WWOX: variants seen among roughly 807,000 people sequenced by gnomAD.
The protein encoded by WWOX is WW domain-containing oxidoreductase.
WWOX carries 69 observed loss-of-function variants against 46.2 expected under a neutral mutation model. The ratio of observed to expected loss-of-function variants is 1.49; its 90% CI spans 1.23 to 1.82. WWOX has a LOEUF of 1.82. Ranked by LOEUF, WWOX falls within the 40% of genes most tolerant of loss-of-function variation. The pLI is 0.00. For synonymous variants in WWOX, 359 were observed against 202.6 expected (o/e 1.77, Z -6.56); for missense variants, 919 against 542.6 (o/e 1.69, Z -6.89).
chr16:78,285,133 C>A (rs185543705), intron 5 of WWOX, among the ~76,000 whole-genome samples: 1 of 152,238 alleles, frequency 6.6e-6, no homozygotes, highest in Admixed American at 6.5e-5. Flanking sequence ...CTGTCACTCC[C>A]TCAGAAGGGA....
rs758799029 is a variant in WWOX at position 78,432,599 on chromosome 16, C to T, written c.903C>T (p.Ile301=). The part of the protein sequence containing the change: ...LAYNRSKLCN[I]LFSNELHRRL... ...ATAACAGGTCCAAGCTCTGCAACATCCTCTTCTCCAACGAGCTGCACCGTC... is the reference window on the plus strand; with the variant it reads ...ATAACAGGTCCAAGCTCTGCAACATTCTCTTCTCCAACGAGCTGCACCGTC... The change falls in exon 8 of 9, where the codon ATC becomes ATT. Residue 301 remains isoleucine (I), a synonymous_variant. Transcript: ENST00000566780. 12 of 1,614,112 alleles carry T rather than the reference C, an allele frequency of 7.4e-6. No individual in the cohort carries two copies. Among genetic ancestry groups the T allele is most frequent in the Admixed American group, 3.3e-5 (2 of 60,012 alleles).
chr16:79,074,929 A>G (rs2048626363), intron 8 of WWOX, among the ~76,000 whole-genome samples: 1 of 152,154 alleles, frequency 6.6e-6, no homozygotes, highest in Non-Finnish European at 1.5e-5. Context: ...AGTATATACA[A>G]CAGATGTGAG....
At chr16:79,179,232 A>G (rs1210330886) in intron 8 of WWOX, among the ~76,000 whole-genome samples, 1 of 152,246 alleles carries the variant, frequency 6.6e-6, no homozygotes, top group Non-Finnish European at 1.5e-5. Flanking sequence ...TCTAAATGCC[A>G]GGTAAGCAAT....
At chr16:78,640,470 T>C (rs955222166) in intron 8 of WWOX, among the ~76,000 whole-genome samples, 1 of 152,044 alleles carries the variant, frequency 6.6e-6, no homozygotes, top group African/African-American at 2.4e-5. Flanking sequence ...CTCCTGCCAT[T>C]GATGTGAGCG....
At chr16:78,905,936 A>C (rs1567639732) in intron 8 of WWOX, among the ~76,000 whole-genome samples, 1 of 152,176 alleles carries the variant, frequency 6.6e-6, no homozygotes. Flanking sequence ...TATGTTGATT[A>C]ATTAAAGGAC....
At chr16:78,895,558 A>C (rs763345169) in intron 8 of WWOX, 1 of 152,292 alleles carries the variant, frequency 6.6e-6, no homozygotes, top group Non-Finnish European at 1.5e-5. Flanking sequence ...ACAGGCAAAG[A>C]TCTATTCTCC....
chr16:79,116,439 A>G (rs1289544632), intron 8 of WWOX, among the ~76,000 whole-genome samples: 4 of 152,200 alleles, frequency 2.6e-5, no homozygotes, highest in Non-Finnish European at 1.5e-5. Flanking sequence ...TTGTCATTTC[A>G]ACAACATTCA....
intron 8 of WWOX, among the ~76,000 whole-genome samples, chr16:78,688,385 G>T (rs967510613): frequency 7.3e-6 from 1 of 137,752 alleles, no homozygotes; most frequent in Non-Finnish European, 1.6e-5. Context: ...AAAAAAAAAA[G>T]ATCCTGACAA....
chr16:78,314,508 A>G (rs1291962905), intron 5 of WWOX, among the ~76,000 whole-genome samples: 12 of 147,038 alleles, frequency 8.2e-5, no homozygotes, highest in Non-Finnish European at 1.6e-4. Flanking sequence ...CTCTATCAGG[A>G]TGGTGCCAAT....
At chr16:78,599,961 G>A (rs980751064) in intron 8 of WWOX, among the ~76,000 whole-genome samples, 2 of 152,080 alleles carry the variant, frequency 1.3e-5, no homozygotes, top group African/African-American at 4.8e-5. Flanking sequence ...CATACCTGAG[G>A]CTGCATAATT....
At chr16:78,508,431 T>C (rs1046430821) in intron 8 of WWOX, among the ~76,000 whole-genome samples, 3 of 149,712 alleles carry the variant, frequency 2.0e-5, no homozygotes, top group Non-Finnish European at 4.4e-5. Context: ...GCTAAAAGAT[T>C]GGACACCTGT....
chr16:78,743,586 T>G (rs1043628551), intron 8 of WWOX, among the ~76,000 whole-genome samples: 1 of 152,174 alleles, frequency 6.6e-6, no homozygotes, highest in Non-Finnish European at 1.5e-5. Context: ...AACTAAGTTA[T>G]AAAAGGACCA....
chr16:78,851,061 T>C (rs189350279), intron 8 of WWOX, among the ~76,000 whole-genome samples: 130 of 152,278 alleles, frequency 8.5e-4, no homozygotes, highest in African/African-American at 2.4e-3. Context: ...AGAGGGTAGG[T>C]GTGGACAGTG....
chr16:78,162,380 ATGTATGTG>A (rs1465161110), intron 4 of WWOX, among the ~76,000 whole-genome samples: 2 of 152,122 alleles, frequency 1.3e-5, no homozygotes, highest in African/African-American at 4.8e-5. Flanking sequence ...TTGCTTTGAC[ATGTATGTG>A]TATATATGTG....
chr16:78,399,337 T>G (rs2151942858), intron 6 of WWOX, among the ~76,000 whole-genome samples: 1 of 152,336 alleles, frequency 6.6e-6, no homozygotes, highest in South Asian at 2.1e-4. Context: ...GGAAACAACT[T>G]CTAAAGTAAT....
At chr16:79,021,920 C>T (rs1484093156) in intron 8 of WWOX, among the ~76,000 whole-genome samples, 4 of 152,232 alleles carry the variant, frequency 2.6e-5, no homozygotes, top group Admixed American at 2.6e-4. Context: ...ACACCAGCAA[C>T]TGTATCACCC....
At position 78,344,008 on chromosome 16, in the gene WWOX, T is replaced by A. The variant is rs1451876882; in HGVS notation, c.517-42852T>A. Among the ~76,000 whole-genome samples, 4 of 119,258 alleles carry A rather than the reference T, an allele frequency of 3.4e-5. 1 individual carries two copies. The highest frequency in any genetic ancestry group is 1.1e-4 in the African/African-American group (4 of 35,044). 78.2% of individuals were successfully genotyped at this position (119,258 alleles called of 152,430 possible). A position where few individuals can be genotyped will look rare whatever the true frequency, so the allele number is the denominator to read the frequency against. ...TTTTCTGCCCCTCATGCCGGCTCCT[T>A]CCTCCCACATCACCCCACATTTTTT... On this transcript the variant is annotated intron_variant, in intron 5 of 8. Transcript: ENST00000566780.
intron 8 of WWOX, among the ~76,000 whole-genome samples, chr16:78,464,672 A>G (rs1194404242): frequency 6.6e-6 from 1 of 152,050 alleles, no homozygotes; most frequent in Non-Finnish European, 1.5e-5. Flanking sequence ...CTGCTGCCTC[A>G]TTTCTTACGT....
intron 8 of WWOX, among the ~76,000 whole-genome samples, chr16:78,690,762 T>G (rs2047966964): frequency 6.6e-6 from 1 of 152,206 alleles, no homozygotes; most frequent in Non-Finnish European, 1.5e-5. Context: ...CCTGAATTAT[T>G]TAAGCACTGC....
Sources: allele counts gnomAD v4.1 joint callset (sites outside exome capture counted in the v4.1 genomes callset), GRCh38; gene constraint gnomAD v4.1.1; transcripts MANE v1.5; gene names NCBI Gene and HGNC (gene_info 2026-07-23, HGNC 2026-07-21).